The following COL3A1 variants were observed in gnomAD, a reference collection of about 807,000 sequenced individuals.
COL3A1 encodes collagen alpha-1(III) chain.
A neutral mutation model predicts 200.9 loss-of-function variants in COL3A1; 46 were observed. That is an observed-to-expected ratio of 0.23 (90% CI 0.18 to 0.29). COL3A1 has a LOEUF of 0.29. Ranked by LOEUF, COL3A1 falls within the 10% of genes least tolerant of loss-of-function variation. COL3A1 has a pLI of 1.00. For missense variants in COL3A1, 1,367 were observed against 1,917.6 expected, an observed-to-expected ratio of 0.71 and a Z score of 5.36; for synonymous variants, 650 against 628.0, an observed-to-expected ratio of 1.03 and a Z score of -0.52.
rs768976215 is a variant in COL3A1 at position 188,998,329 on chromosome 2, G to A, written c.1977+10G>A. ...AAAACCTGGGGAACCAGTAAGTTAC[G>A]TTTCATTATTCAAAACTCAGAAACA... On this transcript the variant is annotated intron_variant, in intron 28 of 50. Transcript: ENST00000304636. The A allele has an allele frequency of 5.1e-5, 82 of 1,611,886 alleles. No individual in the cohort carries two copies. The Admixed American group carries it at 6.0e-4, about 12-fold the overall frequency.
chr2:189,002,260 C>T, intron 34 of COL3A1, 38 bp from the exon 35 acceptor site: 1 of 1,550,348 alleles, frequency 6.5e-7, no homozygotes, highest in Non-Finnish European at 8.9e-7. Flanking sequence ...AGATGACGCA[C>T]ACTTCACTGT....
At chr2:188,989,262 A>G (rs1688126630) in intron 7 of COL3A1, 134 bp from the exon 8 acceptor site, 1 of 658,012 alleles carries the variant, frequency 1.5e-6, no homozygotes, top group South Asian at 2.0e-5. Context: ...CTCAGTAAGT[A>G]TCATTTTCAT....
At chr2:189,011,523 G>A (rs1489736969) in intron 50 of COL3A1, 105 bp from the exon 51 acceptor site, 25 of 1,313,536 alleles carry the variant, frequency 1.9e-5, no homozygotes, top group Admixed American at 8.8e-5. Context: ...AACATGGCAC[G>A]ATGAATGCTT....
At chr2:188,986,086 T>A (rs1688059401) in intron 4 of COL3A1, among the ~76,000 whole-genome samples, 2 of 152,004 alleles carry the variant, frequency 1.3e-5, no homozygotes, top group Admixed American at 1.3e-4. Context: ...ACAAAAAAAA[T>A]TAACCTAAAT....
At chr2:188,982,228 A>G (rs1313331137) in intron 1 of COL3A1, among the ~76,000 whole-genome samples, 2 of 151,720 alleles carry the variant, frequency 1.3e-5, no homozygotes, top group Non-Finnish European at 3.0e-5. Context: ...GTACTATAAT[A>G]TGTTTCTAAT....
intron 43 of COL3A1, among the ~76,000 whole-genome samples, chr2:189,006,685 C>T (rs1688591951): frequency 1.3e-5 from 2 of 152,012 alleles, no homozygotes; most frequent in African/African-American, 4.8e-5. Context: ...TTAATCAGAC[C>T]AACTATCTAT....
At chr2:189,006,130 C>A in intron 41 of COL3A1, 76 bp from the exon 42 acceptor site, 1 of 1,466,956 alleles carries the variant, frequency 6.8e-7, no homozygotes, top group South Asian at 1.2e-5. Context: ...TTATATTGCC[C>A]TGCTGAGAAT....
rs749562024 is a variant in COL3A1 at position 188,984,903 on chromosome 2, C to G, written c.223C>G (p.Pro75Ala). 6.2e-7 allele frequency: 1 copy of G among 1,613,182 alleles called. No individual in the cohort carries two copies. The highest frequency in any genetic ancestry group is 1.3e-5 in the African/African-American group (1 of 74,980). The change falls in exon 2 of 51, where the codon CCC becomes GCC. Residue 75 changes from proline to alanine, a missense_variant. By Grantham distance (27) the Pro-to-Ala change is conservative. Around this residue, in one of 5 missense-constraint regions of COL3A1, gnomAD observed 462 missense variants for 681.4 expected, o/e 0.68. Transcript: ENST00000304636. ...IICDDQELDC[P>A]NPEIPFGECC... The stretch of plus-strand genomic sequence containing the variant: ...ATGTGACGATCAAGAATTAGACTGC[C>G]CCAACCCAGAAATTCCATTTGGAGA...
At chr2:188,985,334 A>G in intron 3 of COL3A1, 87 bp downstream of exon 3, 1 of 1,057,190 alleles carries the variant, frequency 9.5e-7, no homozygotes, top group East Asian at 2.4e-5. Flanking sequence ...AGCTTTCATC[A>G]TACATTCTCT....
At position 188,987,130 on chromosome 2, in the gene COL3A1, T is replaced by C; in HGVS notation, c.519T>C (p.Pro173=). Residue 173 remains proline (P), a synonymous_variant, in exon 5 of 51, where the codon CCT becomes CCC. Coordinates refer to ENST00000304636, the MANE Select transcript of COL3A1 (RefSeq NM_000090.4). The part of the protein sequence containing the change: ...GVAVGGLAGY[P]GPAGPPGPPG... ...CAGTAGGAGGACTCGCAGGCTATCC[T>C]GGACCAGCTGTACGTACAAATGTTT... 6.2e-7 allele frequency: 1 copy of C among 1,611,944 alleles called. No individual in the cohort carries two copies. Among genetic ancestry groups the C allele is most frequent in the Non-Finnish European group, 8.5e-7 (1 of 1,178,312 alleles).
chr2:189,006,201 A>T lies in COL3A1; in HGVS notation c.3040-5A>T, dbSNP rs1333607866. ...ATTTTATTTCCTTTCTCATTTTTTA[A>T]TCAGGGAAACCCTGGATCAGATGGT... is the stretch of plus-strand genomic sequence containing the variant. On this transcript the variant is annotated splice_polypyrimidine_tract_variant and splice_region_variant and intron_variant, in intron 41 of 50. Transcript: ENST00000304636. 6.2e-7 allele frequency: 1 copy of T among 1,614,174 alleles called. No homozygotes were observed. Among genetic ancestry groups the T allele is most frequent in the Non-Finnish European group, 8.5e-7 (1 of 1,180,010 alleles).
At chr2:188,987,280 A>G in intron 5 of COL3A1, 141 bp downstream of exon 5, 1 of 720,268 alleles carries the variant, frequency 1.4e-6, no homozygotes, top group Non-Finnish European at 2.5e-6. Flanking sequence ...TGGAAAAGAA[A>G]ATGGTAGCAT....
intron 3 of COL3A1, 145 bp downstream of exon 3, chr2:188,985,392 C>T (rs1688044408): frequency 1.3e-6 from 1 of 746,056 alleles, no homozygotes; most frequent in Non-Finnish European, 2.3e-6. Context: ...GACTGAGAAT[C>T]CATAATTGTA....
chr2:188,988,743 A>G (rs1475179042), intron 7 of COL3A1, 100 bp downstream of exon 7: 1 of 792,130 alleles, frequency 1.3e-6, no homozygotes, highest in African/African-American at 1.8e-5. Context: ...AATGAAGATT[A>G]AATTTACCCT....
intron 46 of COL3A1, 25 bp downstream of exon 46, chr2:189,007,963 A>C (rs1460190184): frequency 1.2e-6 from 2 of 1,614,036 alleles, no homozygotes; most frequent in Non-Finnish European, 1.7e-6. Context: ...AAGATATTAC[A>C]GGTCCACATG....
intron 32 of COL3A1, 47 bp downstream of exon 32, chr2:188,999,942 T>C: frequency 6.5e-7 from 1 of 1,547,382 alleles, no homozygotes; most frequent in Non-Finnish European, 8.8e-7. Context: ...ATATGTCATA[T>C]GGGACAGTCC....
chr2:189,010,803 C>T lies in COL3A1; in HGVS notation c.4167C>T (p.Ala1389=), dbSNP rs757334541. Residue 1389 remains alanine, a synonymous_variant, in exon 50 of 51, where the codon GCC becomes GCT. Transcript: ENST00000304636. ...AGGCCAGTGGAAATGTAAAGAAGGCCCTGAAGCTGATGGGGTCAAATGAAG... is the reference window on the plus strand; with the variant it reads ...AGGCCAGTGGAAATGTAAAGAAGGCTCTGAAGCTGATGGGGTCAAATGAAG... ...MDQASGNVKK[A]LKLMGSNEGE... is the part of the protein sequence containing the mutation. 4 of 1,613,954 alleles carry T rather than the reference C, an allele frequency of 2.5e-6. No homozygotes were observed. The South Asian group carries it at 4.4e-5, about 18-fold the overall frequency.
intron 1 of COL3A1, among the ~76,000 whole-genome samples, chr2:188,981,187 C>G (rs1002356264): frequency 1.3e-5 from 2 of 151,420 alleles, no homozygotes; most frequent in African/African-American, 2.4e-5. Context: ...TTATGCACAT[C>G]TAAAAATATA....
chr2:188,988,524 C>G, intron 6 of COL3A1, 66 bp from the exon 7 acceptor site: 17 of 1,131,452 alleles, frequency 1.5e-5, no homozygotes, highest in Non-Finnish European at 2.1e-5. Flanking sequence ...TTCTTACTGT[C>G]AAGATGTAAA....
Sources: gnomAD v4.1 joint callset for allele counts (sites outside exome capture counted in the v4.1 genomes callset) on GRCh38, gnomAD v4.1.1 for gene constraint, gnomAD v4.1.1 regional missense constraint, MANE v1.5 for transcripts, NCBI Gene and HGNC (gene_info 2026-07-23, HGNC 2026-07-21) for gene names.